CHSY3: variants seen among roughly 807,000 people sequenced by gnomAD.
The protein encoded by CHSY3 is N-acetylgalactosaminyl-proteoglycan 3-beta-glucuronosyltransferase 3.
A neutral mutation model predicts 67.2 loss-of-function variants in CHSY3; 35 were observed. That is an observed-to-expected ratio of 0.52 (90% confidence interval 0.40 to 0.69). CHSY3 has a LOEUF of 0.69. CHSY3 is among the 30% of genes least tolerant of loss of function. The pLI, the probability that CHSY3 is intolerant of heterozygous loss-of-function variation, is 0.00. For synonymous variants in CHSY3, 474 were observed against 434.7 expected, an observed-to-expected ratio of 1.09 and a Z score of -1.12; for missense variants, 1,069 against 1,138.5, an observed-to-expected ratio of 0.94 and a Z score of 0.88.
chr5:129,909,127 T>C (rs899913340), intron 2 of CHSY3, among the ~76,000 whole-genome samples: 1 of 152,094 alleles, frequency 6.6e-6, no homozygotes, highest in African/African-American at 2.4e-5. Context: ...TACTTAGAGA[T>C]TTTTTCTTCA....
chr5:129,950,578 A>G (rs914175443), intron 2 of CHSY3, among the ~76,000 whole-genome samples: 1 of 152,218 alleles, frequency 6.6e-6, no homozygotes, highest in African/African-American at 2.4e-5. Flanking sequence ...GTAAAGTTTC[A>G]GGACACAAAA....
chr5:129,905,314 C>G lies in CHSY3; in HGVS notation c.485C>G (p.Ala162Gly). The change falls in exon 1 of 3, where the codon GCT (alanine) becomes GGT (glycine). Residue 162 changes from alanine (A) to glycine (G), a missense_variant. Ala to Gly is a moderately conservative substitution (Grantham distance 60, BLOSUM62 0). Transcript: ENST00000305031. ...CACAACGGCAGCGGGGACGGGGGCG[C>G]TGCCGCCCCGAGCGCCCGACCCCGG... is the stretch of plus-strand genomic sequence containing the variant. ...SSHNGSGDGG[A>G]AAPSARPRDF... The G allele has an allele frequency of 6.6e-7, 1 of 1,515,036 alleles. No individual in the cohort carries two copies. Among genetic ancestry groups the G allele is most frequent in the Non-Finnish European group, 8.8e-7 (1 of 1,135,830 alleles). The allele number at this position is 1,515,036 out of a possible 1,614,324, so 93.8% of individuals were successfully genotyped here. A position where few individuals can be genotyped will look rare whatever the true frequency, so the allele number is the denominator to read the frequency against.
At chr5:130,181,941 G>T (rs1024824602) in intron 2 of CHSY3, among the ~76,000 whole-genome samples, 1 of 151,594 alleles carries the variant, frequency 6.6e-6, no homozygotes, top group African/African-American at 2.4e-5. Context: ...TTCAGTTTTG[G>T]AGTATGAATA....
At chr5:130,049,915 A>G (rs921274750) in intron 2 of CHSY3, among the ~76,000 whole-genome samples, 10 of 152,032 alleles carry the variant, frequency 6.6e-5, no homozygotes, top group Non-Finnish European at 1.5e-4. Flanking sequence ...TTCATGAGAC[A>G]GCAAAATTTC....
intron 2 of CHSY3, among the ~76,000 whole-genome samples, chr5:130,111,608 C>G (rs1767593440): frequency 6.6e-6 from 1 of 152,060 alleles, no homozygotes; most frequent in South Asian, 2.1e-4. Flanking sequence ...CCAATCCTAG[C>G]TGAATATTAT....
chr5:129,905,773 C>G, intron 1 of CHSY3, 142 bp downstream of exon 1: 1 of 1,456,360 alleles, frequency 6.9e-7, no homozygotes, highest in Non-Finnish European at 9.0e-7. Context: ...CCCGCCCTCC[C>G]CACCCCTTGC....
intron 2 of CHSY3, among the ~76,000 whole-genome samples, chr5:130,137,351 A>G (rs1768698833): frequency 6.6e-6 from 1 of 152,150 alleles, no homozygotes; most frequent in African/African-American, 2.4e-5. Context: ...TGGTATGTGA[A>G]GATTATTATG....
intron 2 of CHSY3, among the ~76,000 whole-genome samples, chr5:130,026,546 T>C (rs1011161239): frequency 1.3e-5 from 2 of 152,178 alleles, no homozygotes; most frequent in African/African-American, 4.8e-5. Context: ...CCAGTATTGA[T>C]GTAAATATAT....
chr5:130,069,719 A>G (rs994275613), intron 2 of CHSY3, among the ~76,000 whole-genome samples: 1 of 152,056 alleles, frequency 6.6e-6, no homozygotes, highest in Non-Finnish European at 1.5e-5. Context: ...TCTAGGAAAC[A>G]TAGCATATTC....
intron 2 of CHSY3, among the ~76,000 whole-genome samples, chr5:129,935,634 A>T (rs1761463205): frequency 6.6e-6 from 1 of 152,202 alleles, no homozygotes; most frequent in South Asian, 2.1e-4. Context: ...GAAACCCCAA[A>T]ATTGTTCCAC....
chr5:130,070,989 T>C (rs1218486520), intron 2 of CHSY3, among the ~76,000 whole-genome samples: 1 of 152,066 alleles, frequency 6.6e-6, no homozygotes, highest in East Asian at 1.9e-4. Context: ...GGTTCCTGTG[T>C]TCATTTATCT....
At chr5:129,977,670 TA>T (rs1473465878) in intron 2 of CHSY3, among the ~76,000 whole-genome samples, 3 of 152,156 alleles carry the variant, frequency 2.0e-5, no homozygotes, top group African/African-American at 7.2e-5. Flanking sequence ...AATAGTCTTT[TA>T]TTTAGGGGAA....
chr5:130,073,418 G>T (rs1766150379), intron 2 of CHSY3, among the ~76,000 whole-genome samples: 1 of 151,880 alleles, frequency 6.6e-6, no homozygotes, highest in Non-Finnish European at 1.5e-5. Flanking sequence ...CTCCTGAGTG[G>T]CTGGGATTAC....
At chr5:130,062,920 A>G (rs1343337198) in intron 2 of CHSY3, among the ~76,000 whole-genome samples, 1 of 152,112 alleles carries the variant, frequency 6.6e-6, no homozygotes, top group Non-Finnish European at 1.5e-5. Flanking sequence ...TCAGTGCCCA[A>G]ATGAAAAACA....
intron 2 of CHSY3, among the ~76,000 whole-genome samples, chr5:130,176,509 T>C (rs984574634): frequency 1.3e-5 from 2 of 152,164 alleles, no homozygotes; most frequent in African/African-American, 4.8e-5. Flanking sequence ...ACCCAAAGGA[T>C]TTTAAATCAT....
intron 2 of CHSY3, among the ~76,000 whole-genome samples, chr5:130,130,816 C>T (rs1178538077): frequency 6.6e-6 from 1 of 152,166 alleles, no homozygotes; most frequent in African/African-American, 2.4e-5. Flanking sequence ...CTTCTGTGAA[C>T]CACTTGTAGC....
rs150709825 is a variant in CHSY3, at chr5:129,998,291, A to G, written c.1086+89931A>G. The stretch of plus-strand genomic sequence containing the variant: ...CCACTTAAAAGTAGGTATCTTTAAG[A>G]TCCTTGTTCATTAGTATATGAGGAA... On this transcript the variant is annotated intron_variant, in intron 2 of 2. Coordinates refer to ENST00000305031, the MANE Select transcript of CHSY3 (RefSeq NM_175856.5). Among the ~76,000 whole-genome samples the G allele has an allele frequency of 9.4e-3, 1,437 of 152,286 alleles. 21 individuals are homozygous for G. The highest frequency in any genetic ancestry group is 0.032 in the African/African-American group (1,348 of 41,552).
chr5:129,995,343 T>C (rs185391256), intron 2 of CHSY3, among the ~76,000 whole-genome samples: 1 of 152,172 alleles, frequency 6.6e-6, no homozygotes, highest in East Asian at 1.9e-4. Context: ...CTTTATTGGA[T>C]AGATGTATTG....
rs569569625 is a variant in CHSY3, at chr5:129,905,869, T to C, written c.802+238T>C. 71 of 886,898 alleles carry C rather than the reference T, an allele frequency of 8.0e-5. 1 individual carries two copies. The South Asian group carries it at 1.6e-3, about 20-fold the overall frequency. The allele number at this position is 886,898 out of a possible 1,614,324, so 54.9% of individuals were successfully genotyped here. ...GCCTGGCTTTATTCGCCTTCCTCAC[T>C]TGCTGTTTTCGGTGCCGCCTCGCGC... On this transcript the variant is annotated intron_variant, in intron 1 of 2. Transcript: ENST00000305031.
Sources: gnomAD v4.1 joint callset for allele counts (sites outside exome capture counted in the v4.1 genomes callset) on GRCh38, gnomAD v4.1.1 for gene constraint, MANE v1.5 for transcripts, NCBI Gene and HGNC (gene_info 2026-07-23, HGNC 2026-07-21) for gene names.